The following FAM234B variants were observed in gnomAD, a reference collection of about 807,000 sequenced individuals.
FAM234B encodes protein FAM234B.
In FAM234B, 33 loss-of-function variants were observed where a neutral mutation model predicts 69.3. The observed-to-expected ratio is 0.48, with a 90% CI of 0.36 to 0.64. FAM234B has a LOEUF of 0.64. Among genes scored for constraint, FAM234B ranks in the 30% least tolerant of loss-of-function variants. FAM234B has a pLI of 0.00. For missense variants in FAM234B, 697 were observed against 769.7 expected (o/e 0.91, Z 1.12); for synonymous variants, 306 against 306.9 (o/e 1.00, Z 0.03).
rs552859360 is a variant in FAM234B, at chr12:13,082,857, A to C, written c.*2227A>C. The C allele has an allele frequency of 6.6e-6, 1 of 152,326 alleles. No individual in the cohort carries two copies. The highest frequency in any genetic ancestry group is 2.1e-4 in the South Asian group (1 of 4,830). The allele number at this position is 152,326 out of a possible 1,614,324, so 9.4% of individuals were successfully genotyped here. On this transcript the variant is annotated 3_prime_UTR_variant, in exon 13 of 13. Coordinates refer to ENST00000197268, the MANE Select transcript of FAM234B (RefSeq NM_020853.2). The stretch of plus-strand genomic sequence containing the variant: ...ATGCAGGGCAAATCCCAGAAAGATA[A>C]GAGGAAGCTAGAGAAACTTAATGTA...
chr12:13,077,243 G>T (rs373905642), intron 11 of FAM234B, among the ~76,000 whole-genome samples: 1 of 151,952 alleles, frequency 6.6e-6, no homozygotes, highest in African/African-American at 2.4e-5. Flanking sequence ...ATTACAACTT[G>T]TATTTTATTT....
At position 13,071,391 on chromosome 12, in the gene FAM234B, A is replaced by C; in HGVS notation, c.1519A>C (p.Asn507His). 1 of 1,613,958 alleles carries C rather than the reference A, an allele frequency of 6.2e-7. No homozygotes were observed. The highest frequency in any genetic ancestry group is 8.5e-7 in the Non-Finnish European group (1 of 1,179,952). Residue 507 changes from asparagine to histidine, a missense_variant, in exon 10 of 13, where the codon AAT (asparagine) becomes CAT (histidine). By Grantham distance (68) the Asn-to-His change is moderately conservative (BLOSUM62 1). This residue lies in a region of FAM234B where 313 missense variants were observed against 305.5 expected (regional missense o/e 1.02). Coordinates refer to ENST00000197268, the MANE Select transcript of FAM234B (RefSeq NM_020853.2). ...CGAAGGGCTGTCAGCTGCATCTCCCAATTCCGTGAGTGAGCCTGGGAGGGT... is the reference window on the plus strand; with the variant it reads ...CGAAGGGCTGTCAGCTGCATCTCCCCATTCCGTGAGTGAGCCTGGGAGGGT... ...WAEGLSAASPNSDIILGTEPP... is the reference protein window; with the variant it reads ...WAEGLSAASPHSDIILGTEPP...
chr12:13,056,745 C>T (rs1464626682), intron 2 of FAM234B, among the ~76,000 whole-genome samples: 8 of 152,112 alleles, frequency 5.3e-5, no homozygotes, highest in Non-Finnish European at 1.0e-4. Context: ...GTGTGTCTAC[C>T]ACCCAGCTTT....
At position 13,067,678 on chromosome 12, in the gene FAM234B, G is replaced by A. The variant is rs888876832; in HGVS notation, c.1142+382G>A. On this transcript the variant is annotated intron_variant, in intron 7 of 12. Coordinates refer to ENST00000197268, the MANE Select transcript of FAM234B (RefSeq NM_020853.2). This position sits in a 1 kb window ranked among gnomAD's most constrained non-coding sequence, Gnocchi z 4.7. ...TGAAGCATCATTTTGACAGAAGCAA[G>A]GATAGTGTCCATGAAATCTTATTTT... Among the ~76,000 whole-genome samples the A allele has an allele frequency of 1.4e-4, 21 of 152,182 alleles. No individual in the cohort carries two copies. Among genetic ancestry groups the A allele is most frequent in the Admixed American group, 2.0e-4 (3 of 15,280 alleles).
chr12:13,056,774 A>G (rs771375996), intron 2 of FAM234B, among the ~76,000 whole-genome samples: 6 of 152,148 alleles, frequency 3.9e-5, no homozygotes, highest in Non-Finnish European at 7.3e-5. Context: ...AACATCATTG[A>G]GACCTTCACA....
chr12:13,056,135 A>G (rs143437197), intron 2 of FAM234B, among the ~76,000 whole-genome samples, 189 bp downstream of exon 2: 35 of 152,326 alleles, frequency 2.3e-4, no homozygotes, highest in Non-Finnish European at 4.4e-4. Flanking sequence ...AAAACCTGGG[A>G]ATCATTGCTC....
rs753570286 is a variant in FAM234B at position 13,055,890 on chromosome 12, CCT to C, written c.378_379del (p.Cys127SerfsTer28). 1 of 1,610,648 alleles carries C rather than the reference CCT, an allele frequency of 6.2e-7. No homozygotes were observed. Among genetic ancestry groups the C allele is most frequent in the South Asian group, 1.1e-5 (1 of 90,384 alleles). ...GTGCTCCTGTGTGCTTTCCTGATCCCCTGTCCTCCCAGAGATCTGCACAGCAC... is the reference window on the plus strand; with the variant it reads ...GTGCTCCTGTGTGCTTTCCTGATCCCGTCCTCCCAGAGATCTGCACAGCAC... On this transcript the variant is annotated frameshift_variant, in exon 2 of 13. Coordinates refer to ENST00000197268, the MANE Select transcript of FAM234B (RefSeq NM_020853.2). LOFTEE classifies it high-confidence loss of function.
Position 13,055,870 on chromosome 12 carries a change from C to A in FAM234B, c.357C>A (p.Leu119=). The A allele has an allele frequency of 6.2e-7, 1 of 1,613,730 alleles. No individual in the cohort carries two copies. Among genetic ancestry groups the A allele is most frequent in the Non-Finnish European group, 8.5e-7 (1 of 1,179,908 alleles). Residue 119 remains leucine (L), a synonymous_variant, in exon 2 of 13, where the codon CTC becomes CTA. Coordinates refer to ENST00000197268, the MANE Select transcript of FAM234B (RefSeq NM_020853.2). ...TGGGGATCTCGATGATCCTGGTGCT[C>A]CTGTGTGCTTTCCTGATCCCCTGTC... is the stretch of plus-strand genomic sequence containing the variant. ...LTLGISMILV[L]LCAFLIPCPP...
chr12:13,079,509 A>G (rs933900783), intron 11 of FAM234B, among the ~76,000 whole-genome samples: 4 of 152,214 alleles, frequency 2.6e-5, no homozygotes, highest in Non-Finnish European at 5.9e-5. Context: ...AATTCTTGCC[A>G]CAAGGGGCAC....
intron 9 of FAM234B, among the ~76,000 whole-genome samples, chr12:13,070,211 A>ATATATATATATATATAT (rs1865090916): frequency 1.4e-5 from 2 of 142,378 alleles, no homozygotes; most frequent in African/African-American, 5.2e-5. Context: ...ATATATATAT[A>ATATATATATATATATAT]AAATGAAATA....
rs1864780616 is a variant in FAM234B, at chr12:13,044,545, C to G, written c.37+105C>G. On this transcript the variant is annotated intron_variant, in intron 1 of 12. Coordinates refer to ENST00000197268, the MANE Select transcript of FAM234B (RefSeq NM_020853.2). This position sits in a 1 kb window ranked among gnomAD's most constrained non-coding sequence, Gnocchi z 5.6. Reference sequence around the variant, plus strand: ...GGTCGGGCCCTGGCCTCAACCCAGACTCAGCTGCAGGCGCCCGGTGCCGAG... The same window carrying G: ...GGTCGGGCCCTGGCCTCAACCCAGAGTCAGCTGCAGGCGCCCGGTGCCGAG... The G allele has an allele frequency of 7.7e-7, 1 of 1,294,736 alleles. No individual in the cohort carries two copies. Among genetic ancestry groups the G allele is most frequent in the African/African-American group, 1.5e-5 (1 of 67,836 alleles). 80.2% of individuals were successfully genotyped at this position (1,294,736 alleles called of 1,614,324 possible). A position where few individuals can be genotyped will look rare whatever the true frequency, so the allele number is the denominator to read the frequency against.
At chr12:13,062,042 G>A in intron 4 of FAM234B, 1 of 288,810 alleles carries the variant, frequency 3.5e-6, no homozygotes, top group Admixed American at 5.0e-5. Context: ...TCCCAACTCT[G>A]TTCTTTGTAC....
At chr12:13,056,348 G>C (rs912460920) in intron 2 of FAM234B, among the ~76,000 whole-genome samples, 1 of 152,200 alleles carries the variant, frequency 6.6e-6, no homozygotes, top group African/African-American at 2.4e-5. Context: ...GATGATAGAG[G>C]TCTGATCTAA....
At chr12:13,056,960 G>T (rs150295859) in intron 2 of FAM234B, among the ~76,000 whole-genome samples, 1 of 148,872 alleles carries the variant, frequency 6.7e-6, no homozygotes, top group Non-Finnish European at 1.5e-5. Context: ...ATTTAATCAT[G>T]CAGTCTTCTG....
At chr12:13,057,143 A>G (rs920605926) in intron 2 of FAM234B, among the ~76,000 whole-genome samples, 1 of 151,724 alleles carries the variant, frequency 6.6e-6, no homozygotes, top group Non-Finnish European at 1.5e-5. Context: ...ATGCCTGGCT[A>G]ATTTTTGTAT....
intron 9 of FAM234B, among the ~76,000 whole-genome samples, chr12:13,070,046 T>G (rs1865086941): frequency 6.6e-6 from 1 of 151,982 alleles, no homozygotes; most frequent in Non-Finnish European, 1.5e-5. Context: ...TTGGAGACCT[T>G]GGGCATATTA....
At position 13,067,225 on chromosome 12, in the gene FAM234B, T is replaced by C. The variant is rs983215736; in HGVS notation, c.1071T>C (p.Ser357=). 1.2e-6 allele frequency: 2 copies of C among 1,613,906 alleles called. No homozygotes were observed. Among genetic ancestry groups the C allele is most frequent in the African/African-American group, 2.7e-5 (2 of 74,914 alleles). The change falls in exon 7 of 13, where the codon TCT becomes TCC. Residue 357 remains serine (S), a synonymous_variant. Transcript: ENST00000197268. This position sits in a 1 kb window ranked among gnomAD's most constrained non-coding sequence, Gnocchi z 4.7. ...QAQNRDSSPP[S]LQIEEPEWEK... is the part of the protein sequence containing the mutation. ...AAAATCGAGACAGCTCACCACCTTC[T>C]CTGCAGATAGAAGAGCCAGAATGGG...
At chr12:13,069,510 T>A (rs984958687) in intron 9 of FAM234B, among the ~76,000 whole-genome samples, 1 of 151,838 alleles carries the variant, frequency 6.6e-6, no homozygotes, top group Admixed American at 6.6e-5. Context: ...GAAGACAGAG[T>A]CACTACATAG....
At chr12:13,053,608 G>T (rs766107210) in intron 1 of FAM234B, among the ~76,000 whole-genome samples, 3 of 152,140 alleles carry the variant, frequency 2.0e-5, no homozygotes, top group Non-Finnish European at 4.4e-5. Flanking sequence ...CAAAGATCAC[G>T]TGCTTCAAAG....
Sources: gnomAD v4.1 joint callset for allele counts (sites outside exome capture counted in the v4.1 genomes callset) on GRCh38, gnomAD v4.1.1 for gene constraint, gnomAD v4.1.1 regional missense constraint, Gnocchi (gnomAD v3.1) non-coding constraint, MANE v1.5 for transcripts, NCBI Gene and HGNC (gene_info 2026-07-23, HGNC 2026-07-21) for gene names.